CTNND2: variants seen among roughly 807,000 people sequenced by gnomAD.
CTNND2 encodes catenin delta 2.
CTNND2 carries 22 observed loss-of-function variants against 144.4 expected under a neutral mutation model. The ratio of observed to expected loss-of-function variants is 0.15; its 90% CI spans 0.11 to 0.22. The LOEUF (loss-of-function observed/expected upper bound fraction) is 0.22, where lower values mean the gene tolerates loss of function less well. Among genes scored for constraint, CTNND2 ranks in the 10% least tolerant of loss-of-function variants. The pLI, the probability that CTNND2 is intolerant of heterozygous loss-of-function variation, is 1.00. For synonymous variants in CTNND2, 751 were observed against 695.6 expected, an observed-to-expected ratio of 1.08 and a Z score of -1.25; for missense variants, 1,353 against 1,618.8, an observed-to-expected ratio of 0.84 and a Z score of 2.82.
chr5:11,171,149 G>C (rs1280251268), intron 11 of CTNND2, among the ~76,000 whole-genome samples: 1 of 152,122 alleles, frequency 6.6e-6, no homozygotes, highest in Non-Finnish European at 1.5e-5. Flanking sequence ...TGATGATCAT[G>C]AGCCCTCATT....
chr5:11,803,329 G>GAA (rs11459720), intron 1 of CTNND2, among the ~76,000 whole-genome samples: 31 of 150,692 alleles, frequency 2.1e-4, no homozygotes, highest in South Asian at 4.2e-4. Flanking sequence ...AAAAAAAAAA[G>GAA]AAAAAAAAAT....
In CTNND2 at chr5:10,972,903, T is replaced by G. The variant is rs1360898590; in HGVS notation, c.*550A>C. On this transcript the variant is annotated 3_prime_UTR_variant, in exon 22 of 22. Coordinates refer to ENST00000304623, the MANE Select transcript of CTNND2 (RefSeq NM_001332.4). ...AGATGAGGAAACACGGCGGCATTGG[T>G]GTAATATACACAACGCGCTTTTCTT... is the stretch of plus-strand genomic sequence containing the variant. 1.3e-5 allele frequency: 2 copies of G among 152,438 alleles called. No individual in the cohort carries two copies. The highest frequency in any genetic ancestry group is 2.9e-5 in the Non-Finnish European group (2 of 68,034). The allele number at this position is 152,438 out of a possible 1,614,324, so 9.4% of individuals were successfully genotyped here.
intron 3 of CTNND2, among the ~76,000 whole-genome samples, chr5:11,509,391 G>T (rs1771414510): frequency 6.6e-6 from 1 of 152,110 alleles, no homozygotes; most frequent in Non-Finnish European, 1.5e-5. Context: ...CCCATAGGAT[G>T]TTTTATAATG....
chr5:11,407,581 G>A (rs1761194156), intron 5 of CTNND2, among the ~76,000 whole-genome samples: 1 of 152,184 alleles, frequency 6.6e-6, no homozygotes, highest in African/African-American at 2.4e-5. Flanking sequence ...TAAGAACTAT[G>A]CGATCATGGG....
intron 9 of CTNND2, among the ~76,000 whole-genome samples, chr5:11,344,386 C>T (rs1019448822): frequency 4.8e-5 from 7 of 146,322 alleles, no homozygotes; most frequent in African/African-American, 1.8e-4. Flanking sequence ...AACGAGACTC[C>T]GTCTCAAAAA....
chr5:11,003,367 T>C (rs1408815355), intron 18 of CTNND2, among the ~76,000 whole-genome samples: 2 of 152,176 alleles, frequency 1.3e-5, no homozygotes, highest in Non-Finnish European at 2.9e-5. Context: ...AATCATTGCC[T>C]TAGGTAACCA....
At chr5:11,791,424 C>A (rs1263934353) in intron 1 of CTNND2, among the ~76,000 whole-genome samples, 1 of 152,266 alleles carries the variant, frequency 6.6e-6, no homozygotes, top group East Asian at 1.9e-4. Context: ...AAAGCAAGAA[C>A]ATGTTCTCAA....
At chr5:10,987,732 C>A (rs1336403498) in intron 20 of CTNND2, among the ~76,000 whole-genome samples, 1 of 135,848 alleles carries the variant, frequency 7.4e-6, no homozygotes, top group Non-Finnish European at 1.6e-5. Context: ...CTTCCACCTT[C>A]TTTTCAGTTC....
intron 1 of CTNND2, among the ~76,000 whole-genome samples, chr5:11,900,894 T>G (rs1737798403): frequency 6.6e-6 from 1 of 152,198 alleles, no homozygotes; most frequent in Admixed American, 6.5e-5. Context: ...ATGTTAAGTC[T>G]TTTAAAAATA....
chr5:11,471,084 T>G (rs893675075), intron 3 of CTNND2, among the ~76,000 whole-genome samples: 2 of 150,566 alleles, frequency 1.3e-5, no homozygotes, highest in African/African-American at 4.9e-5. Flanking sequence ...TTCAAACCAT[T>G]CTCCTGCTTC....
At chr5:11,274,421 C>T (rs1038290677) in intron 9 of CTNND2, among the ~76,000 whole-genome samples, 21 of 152,056 alleles carry the variant, frequency 1.4e-4, no homozygotes, top group African/African-American at 4.8e-4. Context: ...CCTCATTTCA[C>T]ATGAACACAG....
intron 10 of CTNND2, among the ~76,000 whole-genome samples, chr5:11,236,464 C>T (rs1741648200): frequency 6.6e-6 from 1 of 152,174 alleles, no homozygotes; most frequent in Non-Finnish European, 1.5e-5. Context: ...AACTAGCATA[C>T]ACTATTGGTC....
intron 9 of CTNND2, among the ~76,000 whole-genome samples, chr5:11,244,567 G>A (rs1393502037): frequency 2.6e-5 from 4 of 152,160 alleles, no homozygotes; most frequent in African/African-American, 9.7e-5. Flanking sequence ...TTACAGGCAT[G>A]AACCACGGCG....
intron 1 of CTNND2, among the ~76,000 whole-genome samples, chr5:11,800,745 C>T (rs953975725): frequency 6.6e-6 from 1 of 152,148 alleles, no homozygotes; most frequent in Non-Finnish European, 1.5e-5. Flanking sequence ...ACAGCATTGT[C>T]TCATCATATT....
chr5:11,199,085 A>T (rs1737163818), intron 11 of CTNND2, among the ~76,000 whole-genome samples: 1 of 152,212 alleles, frequency 6.6e-6, no homozygotes, highest in Non-Finnish European at 1.5e-5. Flanking sequence ...AGAAACCAGA[A>T]TATATACCTT....
intron 5 of CTNND2, among the ~76,000 whole-genome samples, chr5:11,401,422 T>C (rs986187614): frequency 6.6e-6 from 1 of 152,214 alleles, no homozygotes; most frequent in African/African-American, 2.4e-5. Flanking sequence ...GTCTACAATG[T>C]GGCATTCCCG....
chr5:11,046,561 T>C (rs1745284158), intron 16 of CTNND2, among the ~76,000 whole-genome samples: 1 of 152,182 alleles, frequency 6.6e-6, no homozygotes, highest in African/African-American at 2.4e-5. Context: ...GCTGCTACTT[T>C]GAAGAAGAGA....
intron 10 of CTNND2, among the ~76,000 whole-genome samples, chr5:11,217,720 C>T (rs773054239): frequency 1.3e-5 from 2 of 152,152 alleles, no homozygotes. Context: ...CATTCTCTAC[C>T]AGTGCCTAAG....
At chr5:11,700,835 G>A (rs1785400171) in intron 2 of CTNND2, among the ~76,000 whole-genome samples, 1 of 152,172 alleles carries the variant, frequency 6.6e-6, no homozygotes. Context: ...AGAGAGAAAA[G>A]CCTTTGAAAA....
Sources: allele counts gnomAD v4.1 joint callset (sites outside exome capture counted in the v4.1 genomes callset), GRCh38; gene constraint gnomAD v4.1.1; transcripts MANE v1.5; gene names NCBI Gene and HGNC (gene_info 2026-07-23, HGNC 2026-07-21).